The following SLC23A3 variants were observed in gnomAD, a reference collection of about 807,000 sequenced individuals.
SLC23A3 encodes solute carrier family 23 member 3.
SLC23A3 carries 41 observed loss-of-function variants against 64.7 expected under a neutral mutation model. The observed-to-expected ratio is 0.63, with a 90% CI of 0.49 to 0.82. SLC23A3 has a LOEUF of 0.82. SLC23A3 is among the 40% of genes least tolerant of loss of function. SLC23A3 has a pLI of 0.00. For synonymous variants in SLC23A3, 281 were observed against 306.8 expected, an observed-to-expected ratio of 0.92 and a Z score of 0.88; for missense variants, 647 against 733.4, an observed-to-expected ratio of 0.88 and a Z score of 1.36.
At chr2:219,164,531 C>T in intron 8 of SLC23A3, 193 bp from the exon 9 acceptor site, 1 of 497,002 alleles carries the variant, frequency 2.0e-6, no homozygotes, top group Non-Finnish European at 3.6e-6. Flanking sequence ...GCACTTATTG[C>T]CTTCTGAAAT....
rs1950019718 is a variant in SLC23A3 at position 219,167,914 on chromosome 2, C to T, written c.913+16G>A. 1 of 1,553,462 alleles carries T rather than the reference C, an allele frequency of 6.4e-7. No homozygotes were observed. Among genetic ancestry groups the T allele is most frequent in the East Asian group, 2.3e-5 (1 of 44,278 alleles). On this transcript the variant is annotated intron_variant, in intron 7 of 11. Transcript: ENST00000409878. ...TTTATTTGAACAAGAGAATGGAGGA[C>T]TAGGAGAAAACCTACCTGGGTGAGG...
chr2:219,164,459 T>G (rs1574758065), intron 8 of SLC23A3, 121 bp from the exon 9 acceptor site: 1 of 679,842 alleles, frequency 1.5e-6, no homozygotes, highest in East Asian at 2.8e-5. Context: ...CCAAGAAGCC[T>G]TCCTGGCCAG....
chr2:219,165,543 A>C, intron 7 of SLC23A3, 121 bp from the exon 8 acceptor site: 1 of 1,204,898 alleles, frequency 8.3e-7, no homozygotes. Flanking sequence ...ATGTCTTGGG[A>C]CAAAACTACT....
Position 219,169,824 on chromosome 2 carries a change from T to C in SLC23A3, c.161A>G (p.Gln54Arg), listed in dbSNP as rs764452794. The C allele has an allele frequency of 1.3e-5, 21 of 1,613,802 alleles. No individual in the cohort carries two copies. The highest frequency in any genetic ancestry group is 1.5e-5 in the Non-Finnish European group (18 of 1,179,900). ...AACTCCTGCACCTCTGCCTCCTACC[T>C]GCAGAGCCAGAAGACAGCTGAGGCC... ...PWGLSCLLAL[Q>R]HVLVMASLLC... is the part of the protein sequence containing the mutation. The change falls in exon 1 of 12, where the codon CAG becomes CGG. Residue 54 changes from glutamine to arginine, a missense_variant and splice_region_variant. Physicochemically the swap from Gln to Arg is conservative, Grantham distance 43. Coordinates refer to ENST00000409878, the MANE Select transcript of SLC23A3 (RefSeq NM_001144889.2). This position sits in a 1 kb window ranked among gnomAD's most constrained non-coding sequence, Gnocchi z 4.5.
Position 219,164,232 on chromosome 2 carries a change from CCAA to C in SLC23A3, c.1271_1273del (p.Val424del), listed in dbSNP as rs1346993868. 1.2e-6 allele frequency: 2 copies of C among 1,600,522 alleles called. No individual in the cohort carries two copies. The highest frequency in any genetic ancestry group is 3.4e-5 in the Admixed American group (2 of 59,072). On this transcript the variant is annotated inframe_deletion and splice_region_variant, in exon 9 of 12. Transcript: ENST00000409878. ...CCAGCCCTGTTGATACATCCACTCA[CCAA>C]CAACAGGCAGTGGGATGGTGGTGAG...
chr2:219,164,217 TG>T lies in SLC23A3; in HGVS notation c.1273+15del, dbSNP rs1949980415. Reference sequence around the variant, plus strand: ...AGTAGCAGTTCAATACCAGCCCTGTTGATACATCCACTCACCAACAACAGGC... The same window carrying T: ...AGTAGCAGTTCAATACCAGCCCTGTTATACATCCACTCACCAACAACAGGC... On this transcript the variant is annotated intron_variant, in intron 9 of 11. Coordinates refer to ENST00000409878, the MANE Select transcript of SLC23A3 (RefSeq NM_001144889.2). 6.4e-7 allele frequency: 1 copy of T among 1,572,258 alleles called. No homozygotes were observed. The highest frequency in any genetic ancestry group is 8.7e-7 in the Non-Finnish European group (1 of 1,148,664).
At position 219,162,307 on chromosome 2, in the gene SLC23A3, G is replaced by A. The variant is rs759774447; in HGVS notation, c.1529C>T (p.Thr510Met). Residue 510 changes from threonine to methionine, a missense_variant, in exon 11 of 12, where the codon ACG becomes ATG. Physicochemically the swap from Thr to Met is moderately conservative, Grantham distance 81 (BLOSUM62 -1). Coordinates refer to ENST00000409878, the MANE Select transcript of SLC23A3 (RefSeq NM_001144889.2). ...AGLSGFLLEN[T>M]IPGTQLERGL... ...GCCTAGCCTCAACTTACCAGGAATC[G>A]TGTTCTCTAGTAGGAAGCCTGAGAG... 25 of 1,613,906 alleles carry A rather than the reference G, an allele frequency of 1.5e-5. No individual in the cohort carries two copies. The East Asian group carries it at 3.3e-4, about 22-fold the overall frequency.
chr2:219,165,377 C>A lies in SLC23A3; in HGVS notation c.959G>T (p.Gly320Val), dbSNP rs911607289. Residue 320 changes from glycine to valine, a missense_variant, in exon 8 of 12, where the codon GGC (glycine) becomes GTC (valine). Physicochemically the swap from Gly to Val is moderately radical, Grantham distance 109. Coordinates refer to ENST00000409878, the MANE Select transcript of SLC23A3 (RefSeq NM_001144889.2). ...PLLTPRALAA[G>V]ISMALAASTS... ...GGAGGCTGCCAAGGCCATGGAGATG[C>A]CTGCAGCCAGAGCTCTGGGCGTCAG... is the stretch of plus-strand genomic sequence containing the variant. The A allele has an allele frequency of 7.7e-6, 12 of 1,551,056 alleles. No homozygotes were observed. Among genetic ancestry groups the A allele is most frequent in the Non-Finnish European group, 8.7e-6 (10 of 1,146,836 alleles).
In SLC23A3 at chr2:219,163,401, G is replaced by T. The variant is rs1418767062; in HGVS notation, c.1428C>A (p.Val476=). 4 of 1,614,088 alleles carry T rather than the reference G, an allele frequency of 2.5e-6. No individual in the cohort carries two copies. The highest frequency in any genetic ancestry group is 3.4e-6 in the Non-Finnish European group (4 of 1,180,050). Residue 476 remains valine, a synonymous_variant, in exon 10 of 12, where the codon GTC becomes GTA. Transcript: ENST00000409878. ...CCTTCCACCTACCTGTGCTGAACAG[G>T]ACTGGGGCTTCCCGAAACCATCTTG... ...LLPRWFREAP[V]LFSTGWSPLD...
At chr2:219,166,753 C>T (rs1004565795) in intron 7 of SLC23A3, among the ~76,000 whole-genome samples, 5 of 151,960 alleles carry the variant, frequency 3.3e-5, no homozygotes, top group African/African-American at 1.2e-4. Flanking sequence ...AGGCTGCTCT[C>T]GAAATCCTTG....
Position 219,163,554 on chromosome 2 carries a change from A to G in SLC23A3, c.1275T>C (p.Gly425=). 1 of 1,613,998 alleles carries G rather than the reference A, an allele frequency of 6.2e-7. No individual in the cohort carries two copies. Among genetic ancestry groups the G allele is most frequent in the Non-Finnish European group, 8.5e-7 (1 of 1,179,994 alleles). The change falls in exon 10 of 12, where the codon GGT becomes GGC. Residue 425 remains glycine (G), a splice_region_variant and synonymous_variant. Coordinates refer to ENST00000409878, the MANE Select transcript of SLC23A3 (RefSeq NM_001144889.2). ...LLTTIPLPVV[G]GVLGVTQAVV... ...CAGCCTGGGTCACCCCCAGCACCCC[A>G]CCTGTCTCATACAGAAGAAATCAAG...
chr2:219,169,159 C>T lies in SLC23A3; in HGVS notation c.419-57G>A. On this transcript the variant is annotated intron_variant, in intron 3 of 11. Transcript: ENST00000409878. The surrounding 1 kb of genome is among the most constrained non-coding windows in gnomAD (Gnocchi z 4.5). ...GGGTGAATGGAATGGAGACCCATTG[C>T]TCTACAGTCCCACTCCTGGCACAGG... is the stretch of plus-strand genomic sequence containing the variant. 6.2e-7 allele frequency: 1 copy of T among 1,600,866 alleles called. No individual in the cohort carries two copies. The highest frequency in any genetic ancestry group is 8.6e-7 in the Non-Finnish European group (1 of 1,168,310).
chr2:219,162,519 A>G, intron 10 of SLC23A3, 125 bp from the exon 11 acceptor site: 1 of 701,008 alleles, frequency 1.4e-6, no homozygotes, highest in Admixed American at 2.4e-5. Context: ...TTGTCATTTC[A>G]TCCCTCTCAC....
intron 10 of SLC23A3, 41 bp downstream of exon 10, chr2:219,163,347 G>A (rs759832700): frequency 1.9e-6 from 3 of 1,597,582 alleles, no homozygotes; most frequent in Non-Finnish European, 2.6e-6. Context: ...GCCTCAACTT[G>A]CTTTCCTGCT....
chr2:219,162,959 C>T (rs1949964968), intron 10 of SLC23A3, among the ~76,000 whole-genome samples: 1 of 152,212 alleles, frequency 6.6e-6, no homozygotes, highest in Admixed American at 6.5e-5. Flanking sequence ...ACAAATTAAG[C>T]AATTTACTGC....
At position 219,165,318 on chromosome 2, in the gene SLC23A3, G is replaced by A. The variant is rs1394451330; in HGVS notation, c.1018C>T (p.Arg340Trp). Residue 340 changes from arginine (R) to tryptophan (W), a missense_variant, in exon 8 of 12, where the codon CGG (arginine) becomes TGG (tryptophan). By Grantham distance (101) the Arg-to-Trp change is moderately radical. Transcript: ENST00000409878. ...GGTGGGGGAGGCAAATGCAGCAGCC[G>A]GCCACACAGGGCATAGCAGCCCAGG... ...SSLGCYALCG[R>W]LLHLPPPPPH... 6 of 1,551,490 alleles carry A rather than the reference G, an allele frequency of 3.9e-6. 1 individual carries two copies. The South Asian group carries it at 4.8e-5, about 12-fold the overall frequency.
Sources: gnomAD v4.1 joint callset for allele counts (sites outside exome capture counted in the v4.1 genomes callset) on GRCh38, gnomAD v4.1.1 for gene constraint, Gnocchi (gnomAD v3.1) non-coding constraint, MANE v1.5 for transcripts, NCBI Gene and HGNC (gene_info 2026-07-23, HGNC 2026-07-21) for gene names.